Variants in CD48 observed in about 807,000 individuals in gnomAD.
CD48 encodes the protein CD48 antigen.
CD48 carries 20 observed loss-of-function variants against 22.0 expected under a neutral mutation model. That is an observed-to-expected ratio of 0.91 (90% CI 0.64 to 1.32). CD48 has a LOEUF of 1.32. Ranked by LOEUF, CD48 falls within the 40% of genes most tolerant of loss-of-function variation. CD48 has a pLI of 0.00. For missense variants in CD48, 307 were observed against 286.5 expected (o/e 1.07, Z -0.52); for synonymous variants, 110 against 110.1 (o/e 1.00, Z 0.01).
chr1:160,695,884 C>A lies in CD48; in HGVS notation c.83-10695G>T, dbSNP rs186744101. 7.6e-4 allele frequency among the ~76,000 whole-genome samples: 116 copies of A among 152,224 alleles called. 1 individual carries two copies. Among genetic ancestry groups the A allele is most frequent in the Non-Finnish European group, 2.9e-5 (2 of 68,014 alleles). ...TACTTTAATTGGTCCGACAAGATTA[C>A]GAATAATAAAATTATGTGGAAATGA... is the stretch of plus-strand genomic sequence containing the variant. On this transcript the variant is annotated intron_variant, in intron 1 of 3. Transcript: ENST00000368046.
At chr1:160,708,908 G>T (rs1011498151) in intron 1 of CD48, among the ~76,000 whole-genome samples, 3 of 152,092 alleles carry the variant, frequency 2.0e-5, no homozygotes, top group Non-Finnish European at 4.4e-5. Flanking sequence ...ATTTCTCTTG[G>T]GACACCAACT....
intron 1 of CD48, among the ~76,000 whole-genome samples, chr1:160,697,048 A>G (rs1662452858): frequency 6.6e-6 from 1 of 152,144 alleles, no homozygotes; most frequent in Admixed American, 6.5e-5. Flanking sequence ...AACTTAATCT[A>G]GCACTCTATA....
intron 1 of CD48, among the ~76,000 whole-genome samples, chr1:160,709,678 T>C (rs1282183069): frequency 6.6e-6 from 1 of 152,154 alleles, no homozygotes; most frequent in Non-Finnish European, 1.5e-5. Flanking sequence ...CTCAAAGTTT[T>C]CCACAGAAGC....
intron 3 of CD48, 54 bp from the exon 4 acceptor site, chr1:160,679,185 A>G (rs1483117098): frequency 7.1e-7 from 1 of 1,416,278 alleles, no homozygotes; most frequent in Non-Finnish European, 1.0e-6. Flanking sequence ...TGACTAATGT[A>G]TTGAGAAGGG....
chr1:160,711,792 A>C lies in CD48; in HGVS notation c.-29T>G. The C allele has an allele frequency of 6.4e-6, 10 of 1,555,478 alleles. No individual in the cohort carries two copies. Among genetic ancestry groups the C allele is most frequent in the Non-Finnish European group, 8.0e-6 (9 of 1,129,454 alleles). The stretch of plus-strand genomic sequence containing the variant: ...TCCTTCCAGAACTTCCCAGCAACGC[A>C]GGAGACAGTTGAGAGCCTGGCTAGA... On this transcript the variant is annotated 5_prime_UTR_variant, in exon 1 of 4. Coordinates refer to ENST00000368046, the MANE Select transcript of CD48 (RefSeq NM_001778.4).
intron 1 of CD48, among the ~76,000 whole-genome samples, chr1:160,695,728 C>G (rs1408948343): frequency 5.3e-5 from 8 of 151,854 alleles, no homozygotes; most frequent in African/African-American, 1.7e-4. Flanking sequence ...CTTAGCCCCA[C>G]TCCAACTTTT....
At chr1:160,703,404 G>A (rs933332945) in intron 1 of CD48, among the ~76,000 whole-genome samples, 13 of 152,142 alleles carry the variant, frequency 8.5e-5, no homozygotes, top group African/African-American at 2.7e-4. Flanking sequence ...GATGCAGACC[G>A]GTTTAGGACC....
At chr1:160,684,579 T>C (rs1424677128) in intron 2 of CD48, 3 of 699,070 alleles carry the variant, frequency 4.3e-6, no homozygotes, top group Non-Finnish European at 6.9e-6. Flanking sequence ...CAAGATGAGC[T>C]GAGCTGATTT....
rs144881986 is a variant in CD48, at chr1:160,708,214, A to G, written c.82+3468T>C. Among the ~76,000 whole-genome samples, 776 of 152,304 alleles carry G rather than the reference A, an allele frequency of 5.1e-3. 7 individuals carry two copies. The highest frequency in any genetic ancestry group is 0.018 in the African/African-American group (740 of 41,554). On this transcript the variant is annotated intron_variant, in intron 1 of 3. Coordinates refer to ENST00000368046, the MANE Select transcript of CD48 (RefSeq NM_001778.4). ...AAACGCCCAGAAACACAAAAATGAAATTCATTTGCGGAGTAGGAAGTAGCT... is the reference window on the plus strand; with the variant it reads ...AAACGCCCAGAAACACAAAAATGAAGTTCATTTGCGGAGTAGGAAGTAGCT...
At chr1:160,702,898 G>C (rs569565079) in intron 1 of CD48, among the ~76,000 whole-genome samples, 90 of 152,306 alleles carry the variant, frequency 5.9e-4, no homozygotes, top group Non-Finnish European at 6.8e-4. Flanking sequence ...AGAATGCCTT[G>C]AGTGCGCTCA....
intron 1 of CD48, among the ~76,000 whole-genome samples, chr1:160,693,943 T>G (rs747899964): frequency 3.3e-5 from 5 of 152,382 alleles, no homozygotes; most frequent in Admixed American, 1.3e-4. Flanking sequence ...CAAGTGGCAG[T>G]GCAGCAGTAG....
intron 1 of CD48, among the ~76,000 whole-genome samples, chr1:160,700,326 G>T (rs1388783307): frequency 1.3e-5 from 2 of 152,166 alleles, no homozygotes; most frequent in African/African-American, 2.4e-5. Flanking sequence ...AATGTTGAAA[G>T]GCAGCTTGAA....
intron 1 of CD48, among the ~76,000 whole-genome samples, chr1:160,692,998 T>G (rs1268721783): frequency 6.6e-6 from 1 of 152,226 alleles, no homozygotes; most frequent in Non-Finnish European, 1.5e-5. Flanking sequence ...CTTGGTGAAT[T>G]GATGGGGCAC....
chr1:160,682,375 G>A (rs190624797), intron 2 of CD48, among the ~76,000 whole-genome samples: 3 of 150,534 alleles, frequency 2.0e-5, no homozygotes, highest in Non-Finnish European at 4.4e-5. Context: ...GAGGTAGGAG[G>A]ATTGCTGGAG....
chr1:160,684,936 C>T lies in CD48; in HGVS notation c.336G>A (p.Leu112=). 1 of 1,614,196 alleles carries T rather than the reference C, an allele frequency of 6.2e-7. No individual in the cohort carries two copies. Among genetic ancestry groups the T allele is most frequent in the Non-Finnish European group, 8.5e-7 (1 of 1,180,034 alleles). Residue 112 remains leucine (L), a synonymous_variant, in exon 2 of 4, where the codon TTG becomes TTA. Coordinates refer to ENST00000368046, the MANE Select transcript of CD48 (RefSeq NM_001778.4). ...ATTCTTGCTCATTCCCAGTCTTTTT[C>T]AACACCCTCATGATGTAGGTGCTGT... is the stretch of plus-strand genomic sequence containing the variant. ...EDNSTYIMRV[L]KKTGNEQEWK...
At chr1:160,695,849 A>G (rs1191506247) in intron 1 of CD48, among the ~76,000 whole-genome samples, 4 of 152,130 alleles carry the variant, frequency 2.6e-5, no homozygotes, top group African/African-American at 4.8e-5. Context: ...TTGTACTTGG[A>G]TCAAATAGCT....
At chr1:160,695,376 G>A (rs1290932402) in intron 1 of CD48, among the ~76,000 whole-genome samples, 3 of 152,202 alleles carry the variant, frequency 2.0e-5, no homozygotes, top group South Asian at 2.1e-4. Flanking sequence ...TGCAAGCAGA[G>A]GTTGCCAATG....
chr1:160,699,856 A>T (rs910127852), intron 1 of CD48: 1 of 151,590 alleles, frequency 6.6e-6, no homozygotes. Context: ...ATACTAAGGG[A>T]ACTCAGAGGC....
rs141982491 is a variant in CD48, at chr1:160,684,605, C to T, written c.385+282G>A. On this transcript the variant is annotated intron_variant, in intron 2 of 3. Coordinates refer to ENST00000368046, the MANE Select transcript of CD48 (RefSeq NM_001778.4). ...GAGCTGATTTAGGTTGATCACAGGA[C>T]AAAATGAAGGAAATAGGAAAAATCT... is the stretch of plus-strand genomic sequence containing the variant. 122 of 969,752 alleles carry T rather than the reference C, an allele frequency of 1.3e-4. No homozygotes were observed. The African/African-American group carries it at 1.8e-3, about 14-fold the overall frequency. The allele number at this position is 969,752 out of a possible 1,614,324, so 60.1% of individuals were successfully genotyped here.
Sources: allele counts gnomAD v4.1 joint callset (sites outside exome capture counted in the v4.1 genomes callset), GRCh38; gene constraint gnomAD v4.1.1; transcripts MANE v1.5; gene names NCBI Gene and HGNC (gene_info 2026-07-23, HGNC 2026-07-21).